RASA3: variants seen among roughly 807,000 people sequenced by gnomAD.
The protein encoded by RASA3 is RAS p21 protein activator 3, also known as ras GTPase-activating protein 3.
In RASA3, 73 loss-of-function variants were observed where a neutral mutation model predicts 110.0. The observed-to-expected ratio is 0.66, with a 90% CI of 0.55 to 0.81. The LOEUF (loss-of-function observed/expected upper bound fraction) is 0.81. Ranked by LOEUF, RASA3 falls within the 30% of genes least tolerant of loss-of-function variation. The pLI, the probability that RASA3 is intolerant of heterozygous loss-of-function variation, is 0.00. For missense variants in RASA3, 976 were observed against 1,113.2 expected (o/e 0.88, Z 1.75); for synonymous variants, 500 against 451.4 (o/e 1.11, Z -1.37).
intron 1 of RASA3, among the ~76,000 whole-genome samples, chr13:114,097,582 G>A (rs2079962754): frequency 6.6e-6 from 1 of 152,256 alleles, no homozygotes; most frequent in African/African-American, 2.4e-5. Context: ...CGCCCTCTGA[G>A]TTCCTTCTCC....
At chr13:114,132,256 G>C (rs1425546933) in intron 1 of RASA3, among the ~76,000 whole-genome samples, 179 bp downstream of exon 1, 1 of 152,146 alleles carries the variant, frequency 6.6e-6, no homozygotes, top group Non-Finnish European at 1.5e-5. Flanking sequence ...CGAGGCCCGG[G>C]GAGGCGGGGA....
At chr13:114,030,606 G>A (rs1031907816) in intron 4 of RASA3, among the ~76,000 whole-genome samples, 7 of 152,206 alleles carry the variant, frequency 4.6e-5, no homozygotes, top group Admixed American at 2.6e-4. Flanking sequence ...GCTGCCCTGC[G>A]GGTCCACCTG....
rs115979697 is a variant in RASA3 at position 114,015,081 on chromosome 13, G to A, written c.1405+128C>T. On this transcript the variant is annotated intron_variant, in intron 14 of 23. Coordinates refer to ENST00000334062, the MANE Select transcript of RASA3 (RefSeq NM_007368.4). ...ACAAACCCCGGAAAAATCCAGCATC[G>A]GAACTGGGGTTCACGACCCCGCAGT... 3.6e-4 allele frequency: 461 copies of A among 1,288,424 alleles called. 3 individuals carry two copies. In the African/African-American group the frequency reaches 6.1e-3, roughly 17 times the overall value. The allele number at this position is 1,288,424 out of a possible 1,614,324, so 79.8% of individuals were successfully genotyped here.
At chr13:114,116,063 C>T (rs569138753) in intron 1 of RASA3, among the ~76,000 whole-genome samples, 16 of 152,334 alleles carry the variant, frequency 1.1e-4, no homozygotes, top group African/African-American at 3.8e-4. Flanking sequence ...CAGCCAGAGC[C>T]TGGCAGCAGC....
At position 114,073,907 on chromosome 13, in the gene RASA3, G is replaced by A. The variant is rs146914717; in HGVS notation, c.56-70C>T. On this transcript the variant is annotated intron_variant, in intron 1 of 23. Coordinates refer to ENST00000334062, the MANE Select transcript of RASA3 (RefSeq NM_007368.4). ...TTGTTCCCTGCTACATCGCAGACAC[G>A]TTTCCAGCCTTTGCTTGTGTGCATT... 2.8e-4 allele frequency: 376 copies of A among 1,323,662 alleles called. 1 individual carries two copies. In the African/African-American group the frequency reaches 3.8e-3, roughly 13 times the overall value. The allele number at this position is 1,323,662 out of a possible 1,614,324, so 82.0% of individuals were successfully genotyped here. A position where few individuals can be genotyped will look rare whatever the true frequency, so the allele number is the denominator to read the frequency against.
chr13:114,026,294 G>T (rs915417053), intron 7 of RASA3, among the ~76,000 whole-genome samples: 1 of 152,154 alleles, frequency 6.6e-6, no homozygotes, highest in African/African-American at 2.4e-5. Context: ...CCTGGAACTC[G>T]GTCCATGCTG....
chr13:114,017,890 A>C (rs964087800), intron 11 of RASA3, among the ~76,000 whole-genome samples: 1 of 148,716 alleles, frequency 6.7e-6, no homozygotes, highest in South Asian at 2.1e-4. Flanking sequence ...CCACTCACTC[A>C]CTCTACCCGG....
chr13:114,075,246 G>A (rs943340720), intron 1 of RASA3, among the ~76,000 whole-genome samples: 38 of 152,304 alleles, frequency 2.5e-4, no homozygotes, highest in Non-Finnish European at 4.1e-4. Flanking sequence ...TGAATGTTTC[G>A]CGTCAACTCA....
At chr13:114,007,874 G>A (rs1357731260) in intron 17 of RASA3, among the ~76,000 whole-genome samples, 1 of 152,262 alleles carries the variant, frequency 6.6e-6, no homozygotes, top group Non-Finnish European at 1.5e-5. Context: ...GGCCACCCAG[G>A]GGTGACTCTA....
At chr13:114,077,411 C>T (rs1038835584) in intron 1 of RASA3, among the ~76,000 whole-genome samples, 1 of 150,642 alleles carries the variant, frequency 6.6e-6, no homozygotes. Context: ...ATCCCTCCGT[C>T]CCTGCCTGAC....
chr13:114,013,719 T>A (rs911822418), intron 14 of RASA3, among the ~76,000 whole-genome samples: 1 of 130,178 alleles, frequency 7.7e-6, no homozygotes, highest in Non-Finnish European at 1.6e-5. Flanking sequence ...TCCCCCTCTC[T>A]CTCTCCGTCC....
Position 114,024,450 on chromosome 13 carries a change from T to C in RASA3, c.604-95A>G. ...CCCCGGGCTGCCCTACCCTCTGCGC[T>C]TACCCACACACCACTCAAGGGCCAC... On this transcript the variant is annotated intron_variant, in intron 7 of 23. Transcript: ENST00000334062. The C allele has an allele frequency of 1.2e-5, 13 of 1,082,872 alleles. No individual in the cohort carries two copies. The South Asian group carries it at 1.5e-4, about 13-fold the overall frequency. 67.1% of individuals were successfully genotyped at this position (1,082,872 alleles called of 1,614,324 possible).
Position 114,096,210 on chromosome 13 carries a change from A to C in RASA3, c.56-22373T>G, listed in dbSNP as rs1032834315. On this transcript the variant is annotated intron_variant, in intron 1 of 23. Coordinates refer to ENST00000334062, the MANE Select transcript of RASA3 (RefSeq NM_007368.4). This position sits in a 1 kb window ranked among gnomAD's most constrained non-coding sequence, Gnocchi z 5.1. ...GGCGGCATCGGTGTGCTGGGAAGGG[A>C]GTGCGCAGGCCCACCCCGGCGTGCT... Among the ~76,000 whole-genome samples, 1 of 151,904 alleles carries C rather than the reference A, an allele frequency of 6.6e-6. No individual in the cohort carries two copies. Among genetic ancestry groups the C allele is most frequent in the East Asian group, 1.9e-4 (1 of 5,166 alleles).
At chr13:114,125,629 T>C (rs993413499) in intron 1 of RASA3, among the ~76,000 whole-genome samples, 5 of 152,160 alleles carry the variant, frequency 3.3e-5, no homozygotes, top group African/African-American at 4.8e-5. Flanking sequence ...CCCCAACTCC[T>C]CAACATTGCT....
intron 4 of RASA3, among the ~76,000 whole-genome samples, chr13:114,040,749 A>C (rs892257056): frequency 6.7e-6 from 1 of 148,774 alleles, no homozygotes; most frequent in Admixed American, 6.7e-5. Context: ...GCGAACATGC[A>C]CAACCCAAAA....
intron 7 of RASA3, 124 bp downstream of exon 7, chr13:114,027,265 G>C (rs2054043228): frequency 4.6e-6 from 4 of 869,504 alleles, no homozygotes; most frequent in African/African-American, 1.7e-5. Flanking sequence ...GGCTGGCGGG[G>C]CTCGCTCCTC....
intron 4 of RASA3, among the ~76,000 whole-genome samples, chr13:114,037,226 G>A (rs2054295236): frequency 6.6e-6 from 1 of 152,194 alleles, no homozygotes; most frequent in Non-Finnish European, 1.5e-5. Context: ...TGATCGTCAT[G>A]GTGGTTACAC....
rs1187247604 is a variant in RASA3 at position 114,013,935 on chromosome 13, CCT to C, written c.1406-689_1406-688del. On this transcript the variant is annotated intron_variant, in intron 14 of 23. Coordinates refer to ENST00000334062, the MANE Select transcript of RASA3 (RefSeq NM_007368.4). ...GTCTCTCTCTCTCCGTCTCTCTCTCCCTGTCTCTATCTCTCTGTCTCTCTCTC... is the reference window on the plus strand; with the variant it reads ...GTCTCTCTCTCTCCGTCTCTCTCTCCGTCTCTATCTCTCTGTCTCTCTCTC... 2.3e-3 allele frequency among the ~76,000 whole-genome samples: 151 copies of C among 64,944 alleles called. 7 individuals are homozygous for C. Among genetic ancestry groups the C allele is most frequent in the Middle Eastern group, 0.017 (1 of 58 alleles). The allele number at this position is 64,944 out of a possible 152,430, so 42.6% of individuals were successfully genotyped here. A position where few individuals can be genotyped will look rare whatever the true frequency, so the allele number is the denominator to read the frequency against.
Position 114,028,652 on chromosome 13 carries a change from T to G in RASA3, c.450-725A>C, listed in dbSNP as rs201952099. ...CAGGACCTCTAAAACAGCATCATCC[T>G]GGGGCCAGGACCTCTAAAACAGTGT... On this transcript the variant is annotated intron_variant, in intron 5 of 23. Transcript: ENST00000334062. Among the ~76,000 whole-genome samples the G allele has an allele frequency of 1.7e-3, 191 of 114,146 alleles. 5 individuals carry two copies. The East Asian group carries it at 0.02, about 12-fold the overall frequency. The allele number at this position is 114,146 out of a possible 152,430, so 74.9% of individuals were successfully genotyped here.
Sources: gnomAD v4.1 joint callset for allele counts (sites outside exome capture counted in the v4.1 genomes callset) on GRCh38, gnomAD v4.1.1 for gene constraint, Gnocchi (gnomAD v3.1) non-coding constraint, MANE v1.5 for transcripts, NCBI Gene and HGNC (gene_info 2026-07-23, HGNC 2026-07-21) for gene names.